TDRD12: variants seen among roughly 807,000 people sequenced by gnomAD.
TDRD12 encodes the protein putative ATP-dependent RNA helicase TDRD12.
Under a neutral mutation model 133.5 loss-of-function variants are expected in TDRD12, and 158 were observed. The ratio of observed to expected loss-of-function variants is 1.18; its 90% CI spans 1.04 to 1.35. TDRD12 has a LOEUF of 1.35. Among genes scored for constraint, TDRD12 ranks in the 40% most tolerant of loss-of-function variants. TDRD12 has a pLI of 0.00. For missense variants in TDRD12, 1,443 were observed against 1,321.3 expected (o/e 1.09, Z -1.43); for synonymous variants, 460 against 477.9 (o/e 0.96, Z 0.49).
At position 32,750,981 on chromosome 19, in the gene TDRD12, G is replaced by A. The variant is rs142405959; in HGVS notation, c.582+1112G>A. Among the ~76,000 whole-genome samples the A allele has an allele frequency of 8.5e-5, 13 of 152,242 alleles. No individual in the cohort carries two copies. The East Asian group carries it at 2.3e-3, about 27-fold the overall frequency. ...CAGCTTCTAAGTTTGGGGTACCTGT[G>A]CAGGATGTGCAGGTTTGTTACATAG... On this transcript the variant is annotated intron_variant, in intron 6 of 27. Transcript: ENST00000444215.
At chr19:32,814,383 CTTACCAGAT>C (rs1181705949) in intron 25 of TDRD12, among the ~76,000 whole-genome samples, 4 of 149,888 alleles carry the variant, frequency 2.7e-5, no homozygotes, top group African/African-American at 7.6e-5. Flanking sequence ...ACTATGAATA[CTTACCAGAT>C]TTAACAGAGT....
chr19:32,757,013 T>G (rs1489849264), intron 7 of TDRD12, 25 bp from the exon 8 acceptor site: 1 of 1,530,180 alleles, frequency 6.5e-7, no homozygotes. Context: ...CATGCTTTAA[T>G]TCTGAAATTT....
intron 21 of TDRD12, among the ~76,000 whole-genome samples, chr19:32,807,252 G>A (rs58558344): frequency 0.081 from 9,029 of 111,160 alleles, 558 homozygotes; most frequent in East Asian, 0.27. Context: ...GGGCAACAGA[G>A]TGAGACCAAA....
At chr19:32,816,158 C>T (rs1008779836) in intron 26 of TDRD12, among the ~76,000 whole-genome samples, 6 of 152,110 alleles carry the variant, frequency 3.9e-5, no homozygotes, top group Admixed American at 3.3e-4. Flanking sequence ...TAGTATTTTA[C>T]CTGTATTTCT....
chr19:32,823,968 C>T (rs1278895013), downstream of TDRD12, among the ~76,000 whole-genome samples: 2 of 152,306 alleles, frequency 1.3e-5, no homozygotes, highest in East Asian at 3.9e-4. Flanking sequence ...AACCATAGCC[C>T]TTGGAGGACA....
Position 32,802,669 on chromosome 19 carries a change from C to T in TDRD12, c.2211C>T (p.Asp737=), listed in dbSNP as rs371835314. 2.6e-5 allele frequency: 40 copies of T among 1,536,088 alleles called. No homozygotes were observed. In the African/African-American group the frequency reaches 3.0e-4, roughly 12 times the overall value. Residue 737 remains aspartate (D), a synonymous_variant, in exon 20 of 28, where the codon GAC becomes GAT. Transcript: ENST00000444215. ...CCCTCTCTGCAGCCCTCACAGACGA[C>T]TGCGTCCCACTCTTGGCCATCACCG...
chr19:32,793,638 C>CT (rs1299395695), intron 13 of TDRD12, among the ~76,000 whole-genome samples: 2 of 152,200 alleles, frequency 1.3e-5, no homozygotes, highest in Non-Finnish European at 2.9e-5. Flanking sequence ...AAATAAAAGT[C>CT]TATCTTTTAA....
downstream of TDRD12, among the ~76,000 whole-genome samples, chr19:32,824,883 C>A (rs117784568): frequency 5.3e-5 from 8 of 152,324 alleles, no homozygotes; most frequent in Non-Finnish European, 1.2e-4. Context: ...AAATCAACCT[C>A]GAGTCGGCTG....
chr19:32,719,932 C>CG (rs1326828695), exon 1 of TDRD12: 10 of 1,081,144 alleles, frequency 9.2e-6, no homozygotes, highest in Non-Finnish European at 1.3e-5. Context: ...GCACCTGCCG[C>CG]GGGGGGCCCA....
At chr19:32,775,508 T>C (rs536958110) in intron 10 of TDRD12, among the ~76,000 whole-genome samples, 16 of 152,246 alleles carry the variant, frequency 1.1e-4, no homozygotes, top group Non-Finnish European at 1.8e-4. Context: ...CATTTTAATT[T>C]TTTTGCAGAG....
chr19:32,739,816 G>GCTCTCTGCATCTCCTGGGCA (rs1394137474), intron 3 of TDRD12, among the ~76,000 whole-genome samples: 31 of 116,682 alleles, frequency 2.7e-4, no homozygotes, highest in Non-Finnish European at 5.3e-4. Flanking sequence ...TCTCCTGGGT[G>GCTCTCTGCATCTCCTGGGCA]CTCTCTGCAT....
chr19:32,802,138 GATATATATTATCATATATATATATGATA>G (rs1004538021), intron 19 of TDRD12, among the ~76,000 whole-genome samples: 3 of 141,532 alleles, frequency 2.1e-5, no homozygotes, highest in Middle Eastern at 3.7e-3. Flanking sequence ...TCATATATAT[GATATATATTATCATATATATATATGATA>G]ATATATATCA....
intron 11 of TDRD12, among the ~76,000 whole-genome samples, chr19:32,777,905 C>G (rs2145619564): frequency 9.2e-6 from 1 of 108,786 alleles, no homozygotes; most frequent in South Asian, 3.6e-4. Flanking sequence ...GGACGAGGGT[C>G]TCGCTATGTT....
chr19:32,739,656 TCTCTCTGCATCTCCTGCTG>T (rs1969341732), intron 3 of TDRD12, among the ~76,000 whole-genome samples: 2 of 117,596 alleles, frequency 1.7e-5, no homozygotes, highest in African/African-American at 3.4e-5. Flanking sequence ...CTCCTGGTGC[TCTCTCTGCATCTCCTGCTG>T]CTCTCTGCAT....
chr19:32,798,231 A>G, intron 15 of TDRD12, 77 bp from the exon 16 acceptor site: 2 of 1,405,610 alleles, frequency 1.4e-6, no homozygotes, highest in South Asian at 2.6e-5. Context: ...TCTAGAAAGT[A>G]TGTGGACTCT....
intron 22 of TDRD12, among the ~76,000 whole-genome samples, chr19:32,809,607 C>G (rs1264786538): frequency 6.6e-6 from 1 of 152,220 alleles, no homozygotes; most frequent in African/African-American, 2.4e-5. Context: ...GGGCTGTCTT[C>G]TCCAGCACAC....
At position 32,800,397 on chromosome 19, in the gene TDRD12, G is replaced by GTGTGTA; in HGVS notation, c.1950+45_1950+50dup. The GTGTGTA allele has an allele frequency of 3.6e-6, 5 of 1,387,226 alleles. No homozygotes were observed. In the South Asian group the frequency reaches 4.6e-5, roughly 13 times the overall value. The allele number at this position is 1,387,226 out of a possible 1,614,324, so 85.9% of individuals were successfully genotyped here. A position where few individuals can be genotyped will look rare whatever the true frequency, so the allele number is the denominator to read the frequency against. On this transcript the variant is annotated intron_variant, in intron 17 of 27. Transcript: ENST00000444215. ...TATGTGTATGTGTATGTGTGTGTGT[G>GTGTGTA]TGTGTATGTGTTGGTGGGGGGCTGA...
intron 22 of TDRD12, among the ~76,000 whole-genome samples, chr19:32,809,433 TCGCCAGC>T (rs1966921661): frequency 6.6e-6 from 1 of 152,180 alleles, no homozygotes; most frequent in Admixed American, 6.5e-5. Flanking sequence ...CCTGTGGGTG[TCGCCAGC>T]CCGGTCCTCT....
exon 7 of TDRD12, chr19:32,756,180 A>T: frequency 1.4e-6 from 2 of 1,417,628 alleles, no homozygotes; most frequent in Non-Finnish European, 1.8e-6. Context: ...AAGGAATGGA[A>T]GGTGAGTAGA....
Sources: allele counts gnomAD v4.1 joint callset (sites outside exome capture counted in the v4.1 genomes callset), GRCh38; gene constraint gnomAD v4.1.1; transcripts MANE v1.5; gene names NCBI Gene and HGNC (gene_info 2026-07-23, HGNC 2026-07-21).